Variants in MAP2K2 observed in about 807,000 individuals in gnomAD.
MAP2K2 encodes dual specificity mitogen-activated protein kinase kinase 2.
MAP2K2 carries 24 observed loss-of-function variants against 43.7 expected under a neutral mutation model. That is an observed-to-expected ratio of 0.55 (90% CI 0.40 to 0.77). The LOEUF (loss-of-function observed/expected upper bound fraction) is 0.77. MAP2K2 is among the 30% of genes least tolerant of loss of function. The pLI, the probability that MAP2K2 is intolerant of heterozygous loss-of-function variation, is 0.00. For synonymous variants in MAP2K2, 244 were observed against 239.7 expected (o/e 1.02, Z -0.17); for missense variants, 470 against 566.8 (o/e 0.83, Z 1.73).
At position 4,117,580 on chromosome 19, in the gene MAP2K2, C is replaced by T. The variant is rs1295043645; in HGVS notation, c.142G>A (p.Glu48Lys). Residue 48 changes from glutamate to lysine, a missense_variant, in exon 2 of 11, where the codon GAG becomes AAG. Coordinates refer to ENST00000262948, the MANE Select transcript of MAP2K2 (RefSeq NM_030662.4). ...GCTTCCAGCCGCTTCTTCTGCTGCTCGTCAAGTTCCAGCTCCTCCAGCTTC... is the reference window on the plus strand; with the variant it reads ...GCTTCCAGCCGCTTCTTCTGCTGCTTGTCAAGTTCCAGCTCCTCCAGCTTC... ...QKKLEELELD[E>K]QQKKRLEAFL... 1.9e-6 allele frequency: 3 copies of T among 1,614,168 alleles called. No homozygotes were observed. Among genetic ancestry groups the T allele is most frequent in the East Asian group, 2.2e-5 (1 of 44,894 alleles).
chr19:4,095,331 G>C, intron 9 of MAP2K2, 57 bp downstream of exon 9: 1 of 1,505,224 alleles, frequency 6.6e-7, no homozygotes, highest in Non-Finnish European at 9.0e-7. Flanking sequence ...CCAGGACCCG[G>C]AAGGAGTGGC....
chr19:4,094,537 G>A, intron 9 of MAP2K2, 39 bp from the exon 10 acceptor site: 1 of 1,555,084 alleles, frequency 6.4e-7, no homozygotes. Flanking sequence ...GGCGGTGGAG[G>A]AGACAAGACA....
intron 6 of MAP2K2, chr19:4,100,069 A>ACCC (rs1264613774): frequency 6.5e-6 from 1 of 153,056 alleles, no homozygotes; most frequent in Non-Finnish European, 1.5e-5. Flanking sequence ...ACATGGTGAA[A>ACCC]CCCTGTCTCT....
chr19:4,094,964 C>A, intron 9 of MAP2K2: 1 of 353,300 alleles, frequency 2.8e-6, no homozygotes. Flanking sequence ...GTCTGCGGCA[C>A]ATGCCTGTGA....
At chr19:4,095,179 T>C in intron 9 of MAP2K2, 2 of 566,696 alleles carry the variant, frequency 3.5e-6, no homozygotes, top group Non-Finnish European at 6.4e-6. Context: ...GCTTCACCCC[T>C]GGGCTCACGG....
rs899780944 is a variant in MAP2K2, at chr19:4,105,996, C to T, written c.451-3543G>A. Among the ~76,000 whole-genome samples the T allele has an allele frequency of 3.3e-5, 5 of 152,228 alleles. No homozygotes were observed. In the East Asian group the frequency reaches 9.7e-4, roughly 29 times the overall value. Reference sequence around the variant, plus strand: ...TGTATTTGGAAACACAGACTCGGGACTCACTCTCTTGCCCAGGCTGTAGAG... The same window carrying T: ...TGTATTTGGAAACACAGACTCGGGATTCACTCTCTTGCCCAGGCTGTAGAG... On this transcript the variant is annotated intron_variant, in intron 3 of 10. Transcript: ENST00000262948.
chr19:4,092,343 A>T (rs573350385), intron 10 of MAP2K2, among the ~76,000 whole-genome samples: 1 of 152,314 alleles, frequency 6.6e-6, no homozygotes, highest in East Asian at 1.9e-4. Context: ...TCATGCTTAT[A>T]ATCTCAGCAC....
chr19:4,106,738 C>A (rs2041089681), intron 3 of MAP2K2, among the ~76,000 whole-genome samples: 1 of 152,208 alleles, frequency 6.6e-6, no homozygotes, highest in Non-Finnish European at 1.5e-5. Flanking sequence ...ACCACCCCTC[C>A]ACTACATGAA....
At chr19:4,094,763 T>C (rs2040892070) in intron 9 of MAP2K2, 1 of 543,874 alleles carries the variant, frequency 1.8e-6, no homozygotes. Flanking sequence ...GCCTGGTGGG[T>C]CAGAAGCCTG....
chr19:4,117,692 T>C, intron 1 of MAP2K2, 63 bp from the exon 2 acceptor site: 1 of 1,504,296 alleles, frequency 6.6e-7, no homozygotes, highest in Admixed American at 1.7e-5. Context: ...CCGTTTGCTA[T>C]GTGGCCGTGG....
intron 3 of MAP2K2, among the ~76,000 whole-genome samples, chr19:4,108,695 G>C (rs905228211): frequency 6.6e-6 from 1 of 152,144 alleles, no homozygotes; most frequent in African/African-American, 2.4e-5. Flanking sequence ...ACCAAGAATA[G>C]AGGTTGGGGG....
intron 9 of MAP2K2, chr19:4,094,994 G>A: frequency 2.8e-6 from 1 of 355,434 alleles, no homozygotes; most frequent in South Asian, 3.9e-5. Context: ...CACAGGTGCT[G>A]CTGGGTGCTT....
chr19:4,103,638 G>A (rs775223963), intron 3 of MAP2K2, among the ~76,000 whole-genome samples: 3 of 151,854 alleles, frequency 2.0e-5, no homozygotes, highest in Non-Finnish European at 4.4e-5. Flanking sequence ...TCATTCACAT[G>A]GGTGGGAGGA....
At chr19:4,097,399 G>C in intron 7 of MAP2K2, 56 bp from the exon 8 acceptor site, 1 of 1,406,180 alleles carries the variant, frequency 7.1e-7, no homozygotes, top group Non-Finnish European at 1.0e-6. Flanking sequence ...CACTTCTGCT[G>C]GGGGTTGGGC....
At position 4,117,705 on chromosome 19, in the gene MAP2K2, C is replaced by G; in HGVS notation, c.93-76G>C. ...GGCCGTTTGCTATGTGGCCGTGGTG[C>G]ATCGGCCCCCAGGAGGACACAGACT... is the stretch of plus-strand genomic sequence containing the variant. On this transcript the variant is annotated intron_variant, in intron 1 of 10. Transcript: ENST00000262948. The G allele has an allele frequency of 5.2e-6, 7 of 1,352,422 alleles. No homozygotes were observed. The South Asian group carries it at 8.2e-5, about 16-fold the overall frequency. 83.8% of individuals were successfully genotyped at this position (1,352,422 alleles called of 1,614,324 possible).
intron 10 of MAP2K2, among the ~76,000 whole-genome samples, chr19:4,092,602 G>T (rs1348838875): frequency 6.6e-6 from 1 of 151,852 alleles, no homozygotes; most frequent in African/African-American, 2.4e-5. Context: ...GAAAAAAAAA[G>T]TTATTTCAAC....
At position 4,124,092 on chromosome 19, in the gene MAP2K2, G is replaced by A. The variant is rs573861335; in HGVS notation, c.-217C>T. The A allele has an allele frequency of 6.1e-5, 13 of 213,790 alleles. No homozygotes were observed. Among genetic ancestry groups the A allele is most frequent in the South Asian group, 3.7e-4 (2 of 5,394 alleles). The allele number at this position is 213,790 out of a possible 1,614,324, so 13.2% of individuals were successfully genotyped here. A position where few individuals can be genotyped will look rare whatever the true frequency, so the allele number is the denominator to read the frequency against. The stretch of plus-strand genomic sequence containing the variant: ...GCCGCTACCGCTGCCGAGGCCCGAA[G>A]AAGGCTGACGCCGCAGCCCGAGTCC... On this transcript the variant is annotated 5_prime_UTR_variant, in exon 1 of 11. Transcript: ENST00000262948.
chr19:4,103,386 T>C (rs1322524313), intron 3 of MAP2K2: 12 of 407,546 alleles, frequency 2.9e-5, no homozygotes, highest in Non-Finnish European at 4.0e-5. Flanking sequence ...AAGGTGCCTC[T>C]TCAGAGGCAG....
chr19:4,120,919 C>G (rs1461407750), intron 1 of MAP2K2, among the ~76,000 whole-genome samples: 1 of 145,338 alleles, frequency 6.9e-6, no homozygotes, highest in Non-Finnish European at 1.6e-5. Flanking sequence ...CACACATTGG[C>G]ATCAAGAGTC....
Sources: gnomAD v4.1 joint callset for allele counts (sites outside exome capture counted in the v4.1 genomes callset) on GRCh38, gnomAD v4.1.1 for gene constraint, MANE v1.5 for transcripts, NCBI Gene and HGNC (gene_info 2026-07-23, HGNC 2026-07-21) for gene names.